Variants in TIAM1 observed in about 807,000 individuals in gnomAD.
The protein encoded by TIAM1 is TIAM Rac1 associated GEF 1.
A neutral mutation model predicts 163.5 loss-of-function variants in TIAM1; 65 were observed. The observed-to-expected ratio is 0.40, with a 90% CI of 0.33 to 0.49. The LOEUF is 0.49. Ranked by LOEUF, TIAM1 falls within the 20% of genes least tolerant of loss-of-function variation. The probability of loss-of-function intolerance (pLI) is 0.77; values close to 1 mark genes in which losing one functional copy is unlikely to be tolerated. For missense variants in TIAM1, 1,789 were observed against 2,044.7 expected, an observed-to-expected ratio of 0.87 and a Z score of 2.41; for synonymous variants, 833 against 810.1, an observed-to-expected ratio of 1.03 and a Z score of -0.48.
At chr21:31,203,109 T>TA in intron 11 of TIAM1, 97 bp from the exon 12 acceptor site, 1 of 1,013,704 alleles carries the variant, frequency 9.9e-7, no homozygotes, top group Non-Finnish European at 1.5e-6. Flanking sequence ...CTATGACCAA[T>TA]AGAGTTTGTT....
chr21:31,543,203 C>A (rs2048374258), intron 1 of TIAM1, among the ~76,000 whole-genome samples: 1 of 152,166 alleles, frequency 6.6e-6, no homozygotes, highest in South Asian at 2.1e-4. Flanking sequence ...GAGAAACTTT[C>A]TTCTCCAATG....
intron 2 of TIAM1, among the ~76,000 whole-genome samples, chr21:31,334,937 C>T (rs1451876616): frequency 2.6e-5 from 4 of 152,124 alleles, no homozygotes; most frequent in Admixed American, 6.5e-5. Flanking sequence ...TGCAACCACC[C>T]GACCCCCAAC....
chr21:31,219,895 A>C (rs1029047836), intron 8 of TIAM1, among the ~76,000 whole-genome samples: 1 of 152,244 alleles, frequency 6.6e-6, no homozygotes, highest in Non-Finnish European at 1.5e-5. Flanking sequence ...AAAATATGTA[A>C]AAATTTTCTC....
At chr21:31,225,981 A>AG (rs1310623896) in intron 6 of TIAM1, 31 bp from the exon 7 acceptor site, 1 of 1,596,228 alleles carries the variant, frequency 6.3e-7, no homozygotes, top group Non-Finnish European at 8.6e-7. Flanking sequence ...AGGAAGAAAA[A>AG]GGCACCTCTT....
chr21:31,514,868 G>A (rs1034616122), intron 1 of TIAM1, among the ~76,000 whole-genome samples: 3 of 152,206 alleles, frequency 2.0e-5, no homozygotes, highest in South Asian at 4.1e-4. Context: ...GTGGAACCAC[G>A]GGACAAAGCA....
chr21:31,266,885 G>A lies in TIAM1; in HGVS notation c.88C>T (p.Leu30=). The A allele has an allele frequency of 1.2e-6, 2 of 1,614,120 alleles. No homozygotes were observed. The highest frequency in any genetic ancestry group is 1.7e-6 in the Non-Finnish European group (2 of 1,180,034). ...SLGRKHTSRS[L]RLSHKTRRTR... is the part of the protein sequence containing the mutation. ...CTCCGCGTCTTGTGCGAGAGGCGCA[G>A]GGAGCGGGAAGTGTGCTTGCGCCCC... is the stretch of plus-strand genomic sequence containing the variant. The change falls in exon 4 of 28, where the codon CTG becomes TTG. Residue 30 remains leucine, a synonymous_variant. Coordinates refer to ENST00000541036, the MANE Select transcript of TIAM1 (RefSeq NM_001353694.2).
chr21:31,213,406 C>T lies in TIAM1; in HGVS notation c.2209G>A (p.Asp737Asn), dbSNP rs1417591459. 6.2e-7 allele frequency: 1 copy of T among 1,608,488 alleles called. No individual in the cohort carries two copies. The highest frequency in any genetic ancestry group is 1.3e-5 in the African/African-American group (1 of 74,348). Residue 737 changes from aspartate to asparagine, a missense_variant, in exon 10 of 28, where the codon GAT becomes AAT. This residue lies in a region of TIAM1 where 456 missense variants were observed against 586.6 expected (regional missense o/e 0.78). Coordinates refer to ENST00000541036, the MANE Select transcript of TIAM1 (RefSeq NM_001353694.2). ...CACACGTTTATTTTTACCTTGCCAT[C>T]TGGAACAATGTCATCAAATATTCCC... ...LEGIFDDIVP[D>N]GKREKEVVLP...
At chr21:31,244,343 T>C (rs1197059469) in intron 6 of TIAM1, among the ~76,000 whole-genome samples, 2 of 152,200 alleles carry the variant, frequency 1.3e-5, no homozygotes, top group Admixed American at 6.5e-5. Context: ...TTATACCTGC[T>C]CTTCCTTTAA....
chr21:31,301,276 A>G (rs1003596640), intron 2 of TIAM1, among the ~76,000 whole-genome samples: 1 of 152,224 alleles, frequency 6.6e-6, no homozygotes, highest in Non-Finnish European at 1.5e-5. Flanking sequence ...CTAATTCCTA[A>G]GAACTAGATT....
intron 2 of TIAM1, among the ~76,000 whole-genome samples, chr21:31,292,079 C>T (rs1569172026): frequency 6.6e-6 from 1 of 152,174 alleles, no homozygotes; most frequent in Non-Finnish European, 1.5e-5. Context: ...ACCTGCCATT[C>T]ACTGCATCTG....
At chr21:31,436,620 G>A (rs892302083) in intron 2 of TIAM1, among the ~76,000 whole-genome samples, 26 of 151,964 alleles carry the variant, frequency 1.7e-4, no homozygotes, top group East Asian at 9.7e-4. Flanking sequence ...GTGACAGAGC[G>A]AGACTCGGTC....
chr21:31,385,251 C>T lies in TIAM1; in HGVS notation c.-368-45829G>A, dbSNP rs150317912. On this transcript the variant is annotated intron_variant, in intron 2 of 28. Transcript: ENST00000286827. ...TAATTTTTAGTATTTTTAGTAGAGACGGGGTTTCACCATTTGACCAGGCAA... is the reference window on the plus strand; with the variant it reads ...TAATTTTTAGTATTTTTAGTAGAGATGGGGTTTCACCATTTGACCAGGCAA... 4.4e-4 allele frequency among the ~76,000 whole-genome samples: 67 copies of T among 152,210 alleles called. No homozygotes were observed. The East Asian group carries it at 0.011, about 25-fold the overall frequency.
At chr21:31,447,155 G>C (rs2044656329) in intron 2 of TIAM1, among the ~76,000 whole-genome samples, 1 of 152,192 alleles carries the variant, frequency 6.6e-6, no homozygotes, top group Non-Finnish European at 1.5e-5. Context: ...CTGGGAGGCT[G>C]AGGAAGGGGG....
chr21:31,487,636 C>T (rs2046320416), intron 1 of TIAM1, among the ~76,000 whole-genome samples: 1 of 149,980 alleles, frequency 6.7e-6, no homozygotes, highest in Non-Finnish European at 1.5e-5. Context: ...CGGCTCACTG[C>T]AAGCTCCGCT....
chr21:31,558,726 C>A (rs753190023), intron 1 of TIAM1, among the ~76,000 whole-genome samples: 6 of 152,246 alleles, frequency 3.9e-5, no homozygotes, highest in Non-Finnish European at 8.8e-5. Flanking sequence ...CGCATCTCCC[C>A]ACCTCCCAAG....
chr21:31,283,007 G>C (rs937583185), intron 2 of TIAM1, among the ~76,000 whole-genome samples: 3 of 152,220 alleles, frequency 2.0e-5, no homozygotes, highest in African/African-American at 7.2e-5. Flanking sequence ...TAATTTTAGA[G>C]CGGTAAATCT....
At position 31,141,017 on chromosome 21, in the gene TIAM1, T is replaced by C. The variant is rs942173351; in HGVS notation, c.3774+101A>G. On this transcript the variant is annotated intron_variant, in intron 22 of 27. Coordinates refer to ENST00000541036, the MANE Select transcript of TIAM1 (RefSeq NM_001353694.2). This position sits in a 1 kb window ranked among gnomAD's most constrained non-coding sequence, Gnocchi z 4.7. ...GAAAAACAACAGCATCCTAACTATT[T>C]TACTTACAAGTAACACCTTTTTAAA... 1.1e-6 allele frequency: 1 copy of C among 872,340 alleles called. No individual in the cohort carries two copies. The highest frequency in any genetic ancestry group is 1.7e-5 in the African/African-American group (1 of 58,442). 54.0% of individuals were successfully genotyped at this position (872,340 alleles called of 1,614,324 possible). A position where few individuals can be genotyped will look rare whatever the true frequency, so the allele number is the denominator to read the frequency against.
chr21:31,398,974 G>C (rs1352599122), intron 2 of TIAM1, among the ~76,000 whole-genome samples: 1 of 152,208 alleles, frequency 6.6e-6, no homozygotes, highest in South Asian at 2.1e-4. Flanking sequence ...CCAGGAGTTC[G>C]AGACCAGCTT....
In TIAM1 at chr21:31,245,483, C is replaced by A; in HGVS notation, c.1584+5G>T. The A allele has an allele frequency of 1.4e-6, 2 of 1,467,816 alleles. No individual in the cohort carries two copies. Among genetic ancestry groups the A allele is most frequent in the African/African-American group, 1.4e-5 (1 of 69,612 alleles). 90.9% of individuals were successfully genotyped at this position (1,467,816 alleles called of 1,614,324 possible). The stretch of plus-strand genomic sequence containing the variant: ...AATGCCCTGCAAAGGAAGTGCCCAA[C>A]AAACCTGAAAAAGGAAGGCATCACC... On this transcript the variant is annotated splice_donor_5th_base_variant and intron_variant, in intron 6 of 27. Coordinates refer to ENST00000541036, the MANE Select transcript of TIAM1 (RefSeq NM_001353694.2).
Sources: gnomAD v4.1 joint callset for allele counts (sites outside exome capture counted in the v4.1 genomes callset) on GRCh38, gnomAD v4.1.1 for gene constraint, gnomAD v4.1.1 regional missense constraint, Gnocchi (gnomAD v3.1) non-coding constraint, MANE v1.5 for transcripts, NCBI Gene and HGNC (gene_info 2026-07-23, HGNC 2026-07-21) for gene names.